The following TMEM132C variants were observed in gnomAD, a reference collection of about 807,000 sequenced individuals.
TMEM132C encodes the protein transmembrane protein 132C.
In TMEM132C, 29 loss-of-function variants were observed where a neutral mutation model predicts 61.4. The ratio of observed to expected loss-of-function variants is 0.47; its 90% CI spans 0.35 to 0.64. The LOEUF is 0.64. Ranked by LOEUF, TMEM132C falls within the 30% of genes least tolerant of loss-of-function variation. TMEM132C has a pLI of 0.00. For missense variants in TMEM132C, 1,408 were observed against 1,476.9 expected (o/e 0.95, Z 0.76); for synonymous variants, 656 against 633.1 (o/e 1.04, Z -0.54).
intron 1 of TMEM132C, among the ~76,000 whole-genome samples, chr12:128,300,502 G>A (rs1871561061): frequency 6.6e-6 from 1 of 152,138 alleles, no homozygotes; most frequent in South Asian, 2.1e-4. Context: ...GCATAGTTGT[G>A]GTGGGCACTC....
chr12:128,301,884 A>G (rs540255409), intron 1 of TMEM132C, among the ~76,000 whole-genome samples: 2 of 152,344 alleles, frequency 1.3e-5, no homozygotes, highest in South Asian at 2.1e-4. Context: ...GGCGGAAGGC[A>G]AAAGGCACAT....
chr12:128,381,473 C>T (rs1472472900), intron 1 of TMEM132C, among the ~76,000 whole-genome samples: 1 of 152,192 alleles, frequency 6.6e-6, no homozygotes, highest in Non-Finnish European at 1.5e-5. Flanking sequence ...AGAATCGAAT[C>T]TGAGTGTTTA....
At chr12:128,529,383 G>C (rs1401452959) in intron 2 of TMEM132C, among the ~76,000 whole-genome samples, 3 of 152,206 alleles carry the variant, frequency 2.0e-5, no homozygotes, top group Middle Eastern at 3.4e-3. Flanking sequence ...GACACAATCA[G>C]ATAAATCCAG....
intron 2 of TMEM132C, among the ~76,000 whole-genome samples, chr12:128,505,608 G>A (rs1255269534): frequency 2.0e-5 from 3 of 152,182 alleles, no homozygotes; most frequent in East Asian, 1.9e-4. Context: ...TGTAAAACAT[G>A]CCAAACCTGA....
chr12:128,547,283 CA>C (rs1873985452), intron 3 of TMEM132C, among the ~76,000 whole-genome samples: 1 of 151,982 alleles, frequency 6.6e-6, no homozygotes, highest in Non-Finnish European at 1.5e-5. Context: ...AGCCTCTCTG[CA>C]GGACTCTGAG....
intron 1 of TMEM132C, among the ~76,000 whole-genome samples, chr12:128,317,515 A>C (rs1464208295): frequency 6.6e-6 from 1 of 152,206 alleles, no homozygotes; most frequent in Non-Finnish European, 1.5e-5. Context: ...TATAGTCTAC[A>C]TTTCTTTTCT....
intron 2 of TMEM132C, among the ~76,000 whole-genome samples, chr12:128,424,402 C>T (rs1382078216): frequency 6.6e-6 from 1 of 151,584 alleles, no homozygotes; most frequent in Non-Finnish European, 1.5e-5. Context: ...AAGGAATAAA[C>T]CACTGGTACA....
chr12:128,546,734 G>A (rs773905215), intron 3 of TMEM132C, among the ~76,000 whole-genome samples: 2 of 152,170 alleles, frequency 1.3e-5, no homozygotes, highest in African/African-American at 4.8e-5. Context: ...ACCATGCCTG[G>A]CCCCACTTTC....
intron 3 of TMEM132C, among the ~76,000 whole-genome samples, chr12:128,583,534 C>T (rs567948838): frequency 7.9e-5 from 12 of 152,298 alleles, no homozygotes; most frequent in Admixed American, 7.2e-4. Context: ...TTGATTGGAC[C>T]TCACTGGTCC....
At chr12:128,360,793 C>G (rs1040303155) in intron 1 of TMEM132C, among the ~76,000 whole-genome samples, 1 of 152,206 alleles carries the variant, frequency 6.6e-6, no homozygotes, top group African/African-American at 2.4e-5. Context: ...CCCTGTCCAT[C>G]CACACCTGCT....
intron 5 of TMEM132C, among the ~76,000 whole-genome samples, chr12:128,681,776 C>T (rs1954636950): frequency 6.6e-6 from 1 of 150,566 alleles, no homozygotes; most frequent in South Asian, 2.1e-4. Flanking sequence ...GCCTCAGCCT[C>T]CTGAGTAGCT....
At chr12:128,574,947 G>A (rs1021157088) in intron 3 of TMEM132C, among the ~76,000 whole-genome samples, 1 of 152,228 alleles carries the variant, frequency 6.6e-6, no homozygotes, top group Non-Finnish European at 1.5e-5. Context: ...GGGGTCAGTA[G>A]GTGCAAAACA....
intron 4 of TMEM132C, among the ~76,000 whole-genome samples, chr12:128,656,538 G>C (rs904489632): frequency 6.6e-6 from 1 of 152,216 alleles, no homozygotes; most frequent in African/African-American, 2.4e-5. Context: ...TTTTGGACTA[G>C]ACCGGTTCTC....
intron 1 of TMEM132C, among the ~76,000 whole-genome samples, chr12:128,370,686 A>G (rs1398691052): frequency 6.6e-6 from 1 of 152,078 alleles, no homozygotes; most frequent in Non-Finnish European, 1.5e-5. Context: ...ACTCTAAGCC[A>G]GTGTGAGAGG....
chr12:128,563,246 T>C (rs951407486), intron 3 of TMEM132C, among the ~76,000 whole-genome samples: 4 of 152,182 alleles, frequency 2.6e-5, no homozygotes, highest in African/African-American at 9.7e-5. Context: ...AGAATGAATG[T>C]TGAAAGAAAT....
At chr12:128,510,157 T>C (rs1872523169) in intron 2 of TMEM132C, among the ~76,000 whole-genome samples, 2 of 152,194 alleles carry the variant, frequency 1.3e-5, no homozygotes, top group African/African-American at 4.8e-5. Flanking sequence ...ATCGGGGACC[T>C]GGGTTTGCTT....
chr12:128,636,401 A>G (rs1379277468), intron 4 of TMEM132C, among the ~76,000 whole-genome samples: 1 of 152,190 alleles, frequency 6.6e-6, no homozygotes, highest in East Asian at 1.9e-4. Context: ...TGATGTATCA[A>G]AAATCTGCAC....
chr12:128,625,265 C>T (rs10773561), intron 4 of TMEM132C, among the ~76,000 whole-genome samples: 33,574 of 152,196 alleles, frequency 0.22, 6,248 homozygotes, highest in African/African-American at 0.51. Context: ...TTACTGCTTA[C>T]AGTTCTGGGG....
chr12:128,281,671 G>A lies in TMEM132C; in HGVS notation c.85+14184G>A, dbSNP rs190944647. Among the ~76,000 whole-genome samples the A allele has an allele frequency of 3.3e-5, 5 of 152,276 alleles. No homozygotes were observed. In the East Asian group the frequency reaches 9.7e-4, roughly 29 times the overall value. ...GATTCCATGGGGGGCTGACTAGTGG[G>A]GACATGGCAAGAGATTGGAGGGCAA... On this transcript the variant is annotated intron_variant, in intron 1 of 8. Transcript: ENST00000435159.
Sources: gnomAD v4.1 joint callset for allele counts (sites outside exome capture counted in the v4.1 genomes callset) on GRCh38, gnomAD v4.1.1 for gene constraint, MANE v1.5 for transcripts, NCBI Gene and HGNC (gene_info 2026-07-23, HGNC 2026-07-21) for gene names.